Variants in CUBN observed in about 807,000 individuals in gnomAD.
CUBN encodes the protein 460 kDa receptor.
In CUBN, 282 loss-of-function variants were observed where a neutral mutation model predicts 405.3. The observed-to-expected ratio is 0.70, with a 90% confidence interval of 0.63 to 0.77. The LOEUF is 0.77. Ranked by LOEUF, CUBN falls within the 30% of genes least tolerant of loss-of-function variation. CUBN has a pLI of 0.00. For missense variants in CUBN, 4,514 were observed against 4,475.2 expected (o/e 1.01, Z -0.25); for synonymous variants, 1,684 against 1,617.0 (o/e 1.04, Z -0.99).
chr10:16,887,808 A>G (rs1840864696), intron 56 of CUBN, among the ~76,000 whole-genome samples: 1 of 152,222 alleles, frequency 6.6e-6, no homozygotes, highest in Admixed American at 6.5e-5. Context: ...ATAATGGCCA[A>G]GACATGGAAT....
intron 64 of CUBN, among the ~76,000 whole-genome samples, chr10:16,831,844 T>TTGTG (rs112858105): frequency 0.19 from 28,795 of 151,900 alleles, 2,862 homozygotes; most frequent in East Asian, 0.29. Flanking sequence ...GTGTGTGTGT[T>TTGTG]TGTGTATGTG....
At chr10:17,045,484 C>G (rs1474186531) in intron 24 of CUBN, among the ~76,000 whole-genome samples, 1 of 151,636 alleles carries the variant, frequency 6.6e-6, no homozygotes, top group African/African-American at 2.4e-5. Flanking sequence ...CTCAGCCTCC[C>G]TAGTAGCTGA....
intron 26 of CUBN, among the ~76,000 whole-genome samples, chr10:17,043,358 C>T (rs1835055827): frequency 6.6e-6 from 1 of 152,076 alleles, no homozygotes; most frequent in Non-Finnish European, 1.5e-5. Context: ...ACAGCTTTCC[C>T]TAATAAAATT....
intron 14 of CUBN, among the ~76,000 whole-genome samples, chr10:17,093,368 C>T (rs935532921): frequency 1.3e-5 from 2 of 152,108 alleles, no homozygotes; most frequent in African/African-American, 4.8e-5. Context: ...TTGCCTCATT[C>T]AGTCAGAAAG....
chr10:16,971,261 T>G (rs556640194), intron 31 of CUBN, among the ~76,000 whole-genome samples: 1 of 152,298 alleles, frequency 6.6e-6, no homozygotes, highest in African/African-American at 2.4e-5. Context: ...TGCAGAGATA[T>G]TATGTAAGAT....
Position 16,933,112 on chromosome 10 carries a change from G to C in CUBN, c.6099C>G (p.Ala2033=). Residue 2033 remains alanine (A), a synonymous_variant, in exon 40 of 67, where the codon GCC becomes GCG. Coordinates refer to ENST00000377833, the MANE Select transcript of CUBN (RefSeq NM_001081.4). ...CATCTCGTATCACAAGGCTATCATA[G>C]GCACACGTTCGGTGAGATTCAATGT... The part of the protein sequence containing the change: ...SLDIESHRTC[A]YDSLVIRDGD... 2 of 1,614,078 alleles carry C rather than the reference G, an allele frequency of 1.2e-6. 1 individual carries two copies. The highest frequency in any genetic ancestry group is 2.2e-5 in the South Asian group (2 of 91,080).
Position 16,824,628 on chromosome 10 carries a change from C to A in CUBN, c.*347G>T. 1 of 333,018 alleles carries A rather than the reference C, an allele frequency of 3.0e-6. No individual in the cohort carries two copies. Among genetic ancestry groups the A allele is most frequent in the Non-Finnish European group, 5.9e-6 (1 of 169,456 alleles). 20.6% of individuals were successfully genotyped at this position (333,018 alleles called of 1,614,324 possible). Reference sequence around the variant, plus strand: ...CTCTGCCTCCTGGGTTCAAGCAATTCTCCTGCCTCAGCCTCTCGAGTGGCT... The same window carrying A: ...CTCTGCCTCCTGGGTTCAAGCAATTATCCTGCCTCAGCCTCTCGAGTGGCT... On this transcript the variant is annotated 3_prime_UTR_variant, in exon 67 of 67. Transcript: ENST00000377833.
At chr10:17,088,029 T>C (rs1836163080) in intron 15 of CUBN, 135 bp downstream of exon 15, 1 of 684,324 alleles carries the variant, frequency 1.5e-6, no homozygotes, top group Non-Finnish European at 2.6e-6. Flanking sequence ...TTGCAAGAGT[T>C]AGATATTGAC....
chr10:17,099,781 G>A (rs897745999), intron 14 of CUBN, among the ~76,000 whole-genome samples: 6 of 152,100 alleles, frequency 3.9e-5, no homozygotes, highest in Non-Finnish European at 8.8e-5. Flanking sequence ...GAGCAAAGGA[G>A]GTCGACGTTT....
chr10:17,070,488 T>G (rs1299630634), intron 19 of CUBN, among the ~76,000 whole-genome samples: 1 of 152,186 alleles, frequency 6.6e-6, no homozygotes, highest in African/African-American at 2.4e-5. Context: ...TGTCTTCTAA[T>G]CCATGAACAT....
intron 30 of CUBN, among the ~76,000 whole-genome samples, chr10:16,983,735 G>T (rs1833343340): frequency 6.6e-6 from 1 of 152,138 alleles, no homozygotes; most frequent in African/African-American, 2.4e-5. Context: ...GTAATTCCTT[G>T]GGATTCACAA....
rs182020275 is a variant in CUBN, at chr10:17,006,135, G to A, written c.4168+13698C>T. ...CTGCTGCTTAAGCCTCCCAATCTGT[G>A]GCATTTTTGTTACGACAGCCCAAGC... On this transcript the variant is annotated intron_variant, in intron 28 of 66. Transcript: ENST00000377833. Among the ~76,000 whole-genome samples the A allele has an allele frequency of 2.0e-5, 3 of 152,222 alleles. No homozygotes were observed. The East Asian group carries it at 5.8e-4, about 29-fold the overall frequency.
intron 29 of CUBN, 55 bp from the exon 30 acceptor site, chr10:16,984,334 C>T: frequency 6.5e-7 from 1 of 1,538,790 alleles, no homozygotes; most frequent in South Asian, 1.1e-5. Flanking sequence ...CAATTACAGG[C>T]CCTTGCTCTG....
At chr10:16,955,641 G>A (rs1258433095) in intron 31 of CUBN, among the ~76,000 whole-genome samples, 1 of 152,128 alleles carries the variant, frequency 6.6e-6, no homozygotes, top group East Asian at 1.9e-4. Flanking sequence ...CCTTTGCTTG[G>A]ATGATTAATA....
intron 30 of CUBN, among the ~76,000 whole-genome samples, chr10:16,983,036 CA>C (rs1833319570): frequency 6.6e-6 from 1 of 152,006 alleles, no homozygotes; most frequent in African/African-American, 2.4e-5. Flanking sequence ...GTAGTGCATG[CA>C]TTTAAAAATA....
chr10:17,053,640 C>A (rs554811394), intron 22 of CUBN, among the ~76,000 whole-genome samples: 7 of 152,138 alleles, frequency 4.6e-5, no homozygotes, highest in Non-Finnish European at 5.9e-5. Flanking sequence ...AAGATTTTAA[C>A]ACCTTTCTCT....
intron 28 of CUBN, among the ~76,000 whole-genome samples, chr10:16,995,752 C>T (rs531639716): frequency 6.6e-6 from 1 of 152,264 alleles, no homozygotes; most frequent in East Asian, 1.9e-4. Flanking sequence ...ATTGGTTTTT[C>T]ATTAAGGTGC....
intron 43 of CUBN, among the ~76,000 whole-genome samples, chr10:16,922,339 A>G (rs2131472205): frequency 6.6e-6 from 1 of 152,190 alleles, no homozygotes; most frequent in Middle Eastern, 3.4e-3. Context: ...AATATCTTTG[A>G]TATGCCCTCT....
intron 58 of CUBN, among the ~76,000 whole-genome samples, chr10:16,873,041 G>A (rs1001899667): frequency 6.6e-6 from 1 of 152,178 alleles, no homozygotes; most frequent in Non-Finnish European, 1.5e-5. Context: ...GAGGCCTCTG[G>A]AAGTAAACTG....
Sources: gnomAD v4.1 joint callset for allele counts (sites outside exome capture counted in the v4.1 genomes callset) on GRCh38, gnomAD v4.1.1 for gene constraint, MANE v1.5 for transcripts, NCBI Gene and HGNC (gene_info 2026-07-23, HGNC 2026-07-21) for gene names.